Variants in TIPIN observed in about 807,000 individuals in gnomAD.
The protein encoded by TIPIN is TIMELESS-interacting protein.
Under a neutral mutation model 35.6 loss-of-function variants are expected in TIPIN, and 29 were observed. The ratio of observed to expected loss-of-function variants is 0.82; its 90% CI spans 0.61 to 1.11. The LOEUF (loss-of-function observed/expected upper bound fraction) is 1.11. TIPIN is among the 50% of genes most tolerant of loss of function. The pLI is 0.00. For synonymous variants in TIPIN, 102 were observed against 121.5 expected (o/e 0.84, Z 1.06); for missense variants, 296 against 345.4 (o/e 0.86, Z 1.13).
chr15:66,359,422 T>C (rs1217614487), upstream of TIPIN, among the ~76,000 whole-genome samples: 1 of 152,116 alleles, frequency 6.6e-6, no homozygotes, highest in African/African-American at 2.4e-5. Flanking sequence ...CTTGGCTCAC[T>C]GCAGCCTCAA....
At chr15:66,338,580 C>T (rs966221622) in intron 7 of TIPIN, among the ~76,000 whole-genome samples, 3 of 150,530 alleles carry the variant, frequency 2.0e-5, no homozygotes, top group Admixed American at 6.6e-5. Context: ...TTTAGGAGAC[C>T]GAGGTGGGTG....
chr15:66,367,627 T>G (rs1476913834), intron 1 of TIPIN, among the ~76,000 whole-genome samples: 1 of 151,872 alleles, frequency 6.6e-6, no homozygotes, highest in Non-Finnish European at 1.5e-5. Flanking sequence ...AATCTTGACC[T>G]CGTGATCTGC....
chr15:66,363,574 G>A (rs971544744), intron 1 of TIPIN, among the ~76,000 whole-genome samples: 33 of 148,052 alleles, frequency 2.2e-4, no homozygotes, highest in South Asian at 6.5e-4. Context: ...CCTGGGAGGC[G>A]GAGATTGCAG....
intron 6 of TIPIN, among the ~76,000 whole-genome samples, chr15:66,344,676 C>T (rs569766142): frequency 9.5e-4 from 142 of 148,900 alleles, no homozygotes; most frequent in Middle Eastern, 3.4e-3. Context: ...CATAGGGAGA[C>T]CCTTTCTCTA....
At chr15:66,352,265 T>A (rs995171500) in intron 2 of TIPIN, 58 bp from the exon 3 acceptor site, 1 of 1,312,368 alleles carries the variant, frequency 7.6e-7, no homozygotes, top group Non-Finnish European at 1.1e-6. Context: ...TATTATTTAT[T>A]ATGTATCATT....
chr15:66,368,089 C>G (rs1398446517), intron 1 of TIPIN, among the ~76,000 whole-genome samples: 1 of 152,030 alleles, frequency 6.6e-6, no homozygotes, highest in African/African-American at 2.4e-5. Flanking sequence ...GCCTCGGCTT[C>G]CCAAAGTGCT....
chr15:66,375,369 C>T (rs1321973915), intron 1 of TIPIN, among the ~76,000 whole-genome samples: 3 of 151,404 alleles, frequency 2.0e-5, no homozygotes, highest in African/African-American at 4.8e-5. Context: ...AGACAAGGGT[C>T]TTGCTATGTG....
At chr15:66,371,337 A>C in intron 1 of TIPIN, 1 of 985,204 alleles carries the variant, frequency 1.0e-6, no homozygotes, top group Non-Finnish European at 1.2e-6. Context: ...TTGGAGCAAA[A>C]CCCACAAAAT....
At chr15:66,384,947 C>CA (rs1491198220) in intron 1 of TIPIN, among the ~76,000 whole-genome samples, 1 of 151,978 alleles carries the variant, frequency 6.6e-6, no homozygotes, top group South Asian at 2.1e-4. Flanking sequence ...AACACCCCCC[C>CA]AAAAAACAAA....
chr15:66,385,528 C>T (rs556655575), intron 1 of TIPIN, among the ~76,000 whole-genome samples: 1 of 151,498 alleles, frequency 6.6e-6, no homozygotes, highest in Admixed American at 6.6e-5. Flanking sequence ...CTCACTCTGT[C>T]GCCCAGGCTG....
chr15:66,368,618 T>C (rs1051366955), intron 1 of TIPIN, among the ~76,000 whole-genome samples: 3 of 152,092 alleles, frequency 2.0e-5, no homozygotes, highest in East Asian at 3.8e-4. Flanking sequence ...CCCAAATCCA[T>C]AGAACTCAAA....
At chr15:66,341,027 A>G in intron 7 of TIPIN, 123 bp downstream of exon 7, 1 of 808,816 alleles carries the variant, frequency 1.2e-6, no homozygotes, top group South Asian at 1.7e-5. Context: ...ATATACATAA[A>G]CTTAATATCA....
chr15:66,348,133 T>A (rs1048881181), intron 6 of TIPIN: 3 of 150,660 alleles, frequency 2.0e-5, no homozygotes, highest in African/African-American at 7.3e-5. Flanking sequence ...CTCAACCCCC[T>A]GAGTAGCTAC....
At chr15:66,358,937 G>C (rs1290430267), upstream of TIPIN, among the ~76,000 whole-genome samples, 1 of 151,758 alleles carries the variant, frequency 6.6e-6, no homozygotes, top group Non-Finnish European at 1.5e-5. Context: ...CTAGCTACTC[G>C]GGAGGCTGAG....
At chr15:66,345,755 ATGTAT>A (rs1236209371) in intron 6 of TIPIN, among the ~76,000 whole-genome samples, 4 of 152,200 alleles carry the variant, frequency 2.6e-5, no homozygotes, top group African/African-American at 9.6e-5. Flanking sequence ...ATAGAAGTAA[ATGTAT>A]TTAATCAACA....
intron 1 of TIPIN, among the ~76,000 whole-genome samples, chr15:66,377,455 C>G (rs1488699650): frequency 2.6e-5 from 4 of 152,150 alleles, no homozygotes; most frequent in Admixed American, 1.3e-4. Flanking sequence ...ACCTCCGCCT[C>G]TTGGGTTCAA....
At chr15:66,360,976 A>G (rs1254814301), upstream of TIPIN, among the ~76,000 whole-genome samples, 1 of 152,010 alleles carries the variant, frequency 6.6e-6, no homozygotes, top group Non-Finnish European at 1.5e-5. Context: ...AAATAAATAA[A>G]TAAGAATTAG....
chr15:66,342,660 G>A (rs969842685), intron 6 of TIPIN, among the ~76,000 whole-genome samples: 5 of 152,122 alleles, frequency 3.3e-5, no homozygotes, highest in African/African-American at 4.8e-5. Flanking sequence ...CAATGCACCC[G>A]GCCAGTAAAA....
rs2093180796 is a variant in TIPIN at position 66,353,299 on chromosome 15, C to G, written c.-8-344G>C. 2.0e-5 allele frequency among the ~76,000 whole-genome samples: 3 copies of G among 152,056 alleles called. No individual in the cohort carries two copies. In the South Asian group the frequency reaches 6.2e-4, roughly 32 times the overall value. On this transcript the variant is annotated intron_variant, in intron 1 of 7. Coordinates refer to ENST00000261881, the MANE Select transcript of TIPIN (RefSeq NM_017858.3). ...TACGCAGGATATAGGTACTTCACCC[C>G]CACTTCAATTAGAGCTGCTTAAAAA... is the stretch of plus-strand genomic sequence containing the variant.
Sources: gnomAD v4.1 joint callset for allele counts (sites outside exome capture counted in the v4.1 genomes callset) on GRCh38, gnomAD v4.1.1 for gene constraint, MANE v1.5 for transcripts, NCBI Gene and HGNC (gene_info 2026-07-23, HGNC 2026-07-21) for gene names.